PKD1: variants seen among roughly 807,000 people sequenced by gnomAD.
PKD1 encodes polycystin-1.
A neutral mutation model predicts 361.7 loss-of-function variants in PKD1; 81 were observed. That is an observed-to-expected ratio of 0.22 (90% CI 0.19 to 0.27). PKD1 has a LOEUF of 0.27. Among genes scored for constraint, PKD1 ranks in the 10% least tolerant of loss-of-function variants. The probability of loss-of-function intolerance (pLI) is 1.00; values close to 1 mark genes in which losing one functional copy is unlikely to be tolerated. For missense variants in PKD1, 6,399 were observed against 6,118.3 expected, an observed-to-expected ratio of 1.05 and a Z score of -1.53; for synonymous variants, 3,615 against 2,818.3, an observed-to-expected ratio of 1.28 and a Z score of -8.95.
Position 2,091,060 on chromosome 16 carries a change from C to T in PKD1, c.11827G>A (p.Ala3943Thr). ...ACCAGTGCCGTGGCCGCCGTCAGCG[C>T]CACCAGCAGCCACCGCGCCCAGGCT... ...LGAWARWLLV[A>T]LTAATALVRL... The change falls in exon 43 of 46, where the codon GCG becomes ACG. Residue 3943 changes from alanine to threonine, a missense_variant. Coordinates refer to ENST00000262304, the MANE Select transcript of PKD1 (RefSeq NM_001009944.3). The T allele has an allele frequency of 1.3e-6, 2 of 1,518,320 alleles. No homozygotes were observed. The highest frequency in any genetic ancestry group is 8.8e-7 in the Non-Finnish European group (1 of 1,138,642). The allele number at this position is 1,518,320 out of a possible 1,614,324, so 94.1% of individuals were successfully genotyped here.
rs766068749 is a variant in PKD1 at position 2,090,576 on chromosome 16, A to G, written c.12153T>C (p.Cys4051=). 2.5e-6 allele frequency: 4 copies of G among 1,608,942 alleles called. No individual in the cohort carries two copies. Among genetic ancestry groups the G allele is most frequent in the South Asian group, 2.2e-5 (2 of 91,014 alleles). ...GGGCCACGCTCCAGAGGGAGTCCAC[A>G]CAGGAAGACACGAGCTGCGGGGAAG... is the stretch of plus-strand genomic sequence containing the variant. The part of the protein sequence containing the change: ...AQLAILLVSS[C]VDSLWSVAQA... Residue 4051 remains cysteine, a synonymous_variant, in exon 45 of 46, where the codon TGT becomes TGC. Transcript: ENST00000262304.
chr16:2,112,190 C>G (rs938411381), intron 14 of PKD1, 150 bp downstream of exon 14: 2 of 760,698 alleles, frequency 2.6e-6, no homozygotes, highest in Non-Finnish European at 4.5e-6. Flanking sequence ...TGGCCCCTCC[C>G]TCACCCCAGT....
At position 2,111,552 on chromosome 16, in the gene PKD1, A is replaced by G. The variant is rs555575375; in HGVS notation, c.3615T>C (p.Asp1205=). ...CGCGGAGCTCCTCAAAGACGCGCAC[A>G]TCCGCCTGGGCCGCCGCACCGCTCA... ...NTVSGAAAQA[D]VRVFEELRGL... The change falls in exon 15 of 46, where the codon GAT becomes GAC. Residue 1205 remains aspartate (D), a synonymous_variant. Coordinates refer to ENST00000262304, the MANE Select transcript of PKD1 (RefSeq NM_001009944.3). The G allele has an allele frequency of 3.8e-6, 6 of 1,590,754 alleles. No homozygotes were observed. Among genetic ancestry groups the G allele is most frequent in the Non-Finnish European group, 1.7e-6 (2 of 1,169,676 alleles).
chr16:2,130,493 G>T (rs140530337), intron 1 of PKD1, among the ~76,000 whole-genome samples: 4 of 152,190 alleles, frequency 2.6e-5, no homozygotes, highest in Non-Finnish European at 5.9e-5. Flanking sequence ...GGTTGAACGC[G>T]GGCTCCAGTG....
chr16:2,117,465 C>A (rs906250392), intron 6 of PKD1, 24 bp downstream of exon 6: 7 of 1,424,116 alleles, frequency 4.9e-6, no homozygotes, highest in East Asian at 2.5e-5. Flanking sequence ...AACCTATGGC[C>A]CCTCGGGGGG....
intron 44 of PKD1, 40 bp downstream of exon 44, chr16:2,090,634 G>T: frequency 6.2e-7 from 1 of 1,609,970 alleles, no homozygotes; most frequent in Non-Finnish European, 8.5e-7. Flanking sequence ...GCTGAGCTGA[G>T]CTGAGCTAAG....
At chr16:2,126,986 T>G (rs889656572) in intron 1 of PKD1, among the ~76,000 whole-genome samples, 1 of 152,116 alleles carries the variant, frequency 6.6e-6, no homozygotes, top group African/African-American at 2.4e-5. Context: ...TGGGCCAGGA[T>G]GGCAGAGGAG....
chr16:2,126,655 A>G (rs1340249062), intron 1 of PKD1, among the ~76,000 whole-genome samples: 1 of 152,250 alleles, frequency 6.6e-6, no homozygotes, highest in African/African-American at 2.4e-5. Context: ...CAGGCAGCAG[A>G]GTGCAGGCCA....
rs759839267 is a variant in PKD1, at chr16:2,103,756, G to C, written c.8301C>G (p.Arg2767=). The C allele has an allele frequency of 1.9e-6, 3 of 1,609,864 alleles. No homozygotes were observed. In the African/African-American group the frequency reaches 4.0e-5, roughly 22 times the overall value. Reference sequence around the variant, plus strand: ...GCGTCAGGGGCTCCTCGTTGAGCACGCGGGAGCGCATGAGGATGCGCATGA... The same window carrying C: ...GCGTCAGGGGCTCCTCGTTGAGCACCCGGGAGCGCATGAGGATGCGCATGA... ...SALMRILMRS[R]VLNEEPLTLA... is the part of the protein sequence containing the mutation. Residue 2767 remains arginine, a synonymous_variant, in exon 23 of 46, where the codon CGC becomes CGG. Transcript: ENST00000262304.
rs773539182 is a variant in PKD1, at chr16:2,091,767, G to C, written c.11537+14C>G. On this transcript the variant is annotated intron_variant, in intron 41 of 45. Coordinates refer to ENST00000262304, the MANE Select transcript of PKD1 (RefSeq NM_001009944.3). ...TGCGGCCACCCCGGAGAGGGCAGGGGAGGGAGCTCCCACCTGTTGTCCAGC... is the reference window on the plus strand; with the variant it reads ...TGCGGCCACCCCGGAGAGGGCAGGGCAGGGAGCTCCCACCTGTTGTCCAGC... 2.0e-5 allele frequency: 32 copies of C among 1,609,786 alleles called. No homozygotes were observed. The highest frequency in any genetic ancestry group is 2.6e-5 in the Non-Finnish European group (31 of 1,179,286).
intron 16 of PKD1, 196 bp from the exon 17 acceptor site, chr16:2,107,144 C>G (rs2092367150): frequency 4.6e-6 from 3 of 658,490 alleles, no homozygotes; most frequent in Admixed American, 2.1e-5. Context: ...ATACACAGGG[C>G]AGAGGACACT....
At position 2,110,772 on chromosome 16, in the gene PKD1, G is replaced by A. The variant is rs369961970; in HGVS notation, c.4395C>T (p.Pro1465=). 22 of 1,610,816 alleles carry A rather than the reference G, an allele frequency of 1.4e-5. No homozygotes were observed. The highest frequency in any genetic ancestry group is 1.0e-4 in the Admixed American group (6 of 60,012). Residue 1465 remains proline, a synonymous_variant, in exon 15 of 46, where the codon CCC becomes CCT. Coordinates refer to ENST00000262304, the MANE Select transcript of PKD1 (RefSeq NM_001009944.3). ...TGACCTTGATGCTGGTGACCAGCAC[G>A]GGCTCCTGCACCTCCACCAGGGCTG... ...NDSALVEVQE[P]VLVTSIKVNG...
chr16:2,129,181 A>G (rs1162932659), intron 1 of PKD1, among the ~76,000 whole-genome samples: 1 of 132,278 alleles, frequency 7.6e-6, no homozygotes, highest in South Asian at 2.4e-4. Context: ...TTTTTTTTTT[A>G]AAGACCGTTT....
rs1344731094 is a variant in PKD1, at chr16:2,110,989, T to G, written c.4178A>C (p.Gln1393Pro). ...VTLQPERQFVQLGDEAWLVAC... is the reference protein window; with the variant it reads ...VTLQPERQFVPLGDEAWLVAC... ...CACCAGCCAGGCCTCGTCCCCGAGC[T>G]GCACAAACTGCCTCTCTGGCTGCAG... The change falls in exon 15 of 46, where the codon CAG becomes CCG. Residue 1393 changes from glutamine to proline, a missense_variant. Transcript: ENST00000262304. 1 of 1,610,472 alleles carries G rather than the reference T, an allele frequency of 6.2e-7. No individual in the cohort carries two copies. Among genetic ancestry groups the G allele is most frequent in the East Asian group, 2.2e-5 (1 of 44,890 alleles).
rs570666957 is a variant in PKD1, at chr16:2,121,790, C to A, written c.216-2412G>T. Among the ~76,000 whole-genome samples, 5 of 152,364 alleles carry A rather than the reference C, an allele frequency of 3.3e-5. No individual in the cohort carries two copies. In the East Asian group the frequency reaches 9.6e-4, roughly 29 times the overall value. ...GGTCTGCACACCACCCCCCTGCTCC[C>A]CAGGACCCCGAGGCCTCACCTCCTG... On this transcript the variant is annotated intron_variant, in intron 1 of 45. Transcript: ENST00000262304.
In PKD1 at chr16:2,105,452, G is replaced by A. The variant is rs148962706; in HGVS notation, c.7886C>T (p.Ala2629Val). The A allele has an allele frequency of 4.3e-5, 68 of 1,593,594 alleles. 1 individual carries two copies. The highest frequency in any genetic ancestry group is 1.0e-4 in the Admixed American group (6 of 59,964). The stretch of plus-strand genomic sequence containing the variant: ...CTGCCGCTCGTGCTTGGGCTCTGCC[G>A]CCACGTCCAGGGCCCGCTCGTACTG... ...LNEYERALDV[A>V]AEPKHERQHR... Residue 2629 changes from alanine (A) to valine (V), a missense_variant, in exon 21 of 46, where the codon GCG (alanine) becomes GTG (valine). Transcript: ENST00000262304.
intron 42 of PKD1, 67 bp from the exon 43 acceptor site, chr16:2,091,241 ACGCTGCCGGGGCGGGGCCCTACGAGGG>A (rs2091521962): frequency 7.4e-6 from 5 of 678,726 alleles, no homozygotes; most frequent in Non-Finnish European, 9.8e-6. Flanking sequence ...AGGGGGCGGG[ACGCTGCCGGGGCGGGGCCCTACGAGGG>A]GGCGGGACGC....
At position 2,135,638 on chromosome 16, in the gene PKD1, A is replaced by C; in HGVS notation, c.52T>G (p.Trp18Gly). Residue 18 changes from tryptophan (W) to glycine (G), a missense_variant, in exon 1 of 46, where the codon TGG becomes GGG. Transcript: ENST00000262304. ...GGGCCCCCCGCCAGCGCCCCGAGCC[A>C]CAGGCCCAGGCCCAGGGCCAGCGCC... ...RLALALGLGL[W>G]LGALAGGPGR... The C allele has an allele frequency of 1.1e-6, 1 of 898,898 alleles. No individual in the cohort carries two copies. The highest frequency in any genetic ancestry group is 1.3e-6 in the Non-Finnish European group (1 of 751,326). 55.7% of individuals were successfully genotyped at this position (898,898 alleles called of 1,614,324 possible).
rs373139880 is a variant in PKD1 at position 2,097,240 on chromosome 16, A to T, written c.10407T>A (p.Asp3469Glu). 2 of 1,588,924 alleles carry T rather than the reference A, an allele frequency of 1.3e-6. No individual in the cohort carries two copies. The change falls in exon 34 of 46, where the codon GAT becomes GAA. Residue 3469 changes from aspartate to glutamate, a missense_variant and splice_region_variant. Physicochemically the swap from Asp to Glu is conservative, Grantham distance 45. Coordinates refer to ENST00000262304, the MANE Select transcript of PKD1 (RefSeq NM_001009944.3). Reference protein sequence around the residue: ...YSPAKSFSASDEDLIQQVLAE... With the variant: ...YSPAKSFSASEEDLIQQVLAE... The stretch of plus-strand genomic sequence containing the variant: ...CAAGGACCTGCTGGATCAGGTCTTC[A>T]TCTAGAGGTACAGGAGGCATAGGGT...
Sources: allele counts gnomAD v4.1 joint callset (sites outside exome capture counted in the v4.1 genomes callset), GRCh38; gene constraint gnomAD v4.1.1; transcripts MANE v1.5; gene names NCBI Gene and HGNC (gene_info 2026-07-23, HGNC 2026-07-21).